TRAF6: variants seen among roughly 807,000 people sequenced by gnomAD.
TRAF6 encodes TNF receptor associated factor 6.
A neutral mutation model predicts 48.4 loss-of-function variants in TRAF6; 10 were observed. The ratio of observed to expected loss-of-function variants is 0.21; its 90% confidence interval spans 0.13 to 0.35. The LOEUF (loss-of-function observed/expected upper bound fraction) is 0.35, where lower values mean the gene tolerates loss of function less well. TRAF6 is among the 10% of genes least tolerant of loss of function. The probability of loss-of-function intolerance (pLI) is 1.00; values close to 1 mark genes in which losing one functional copy is unlikely to be tolerated. For synonymous variants in TRAF6, 186 were observed against 219.6 expected, an observed-to-expected ratio of 0.85 and a Z score of 1.35; for missense variants, 397 against 661.0, an observed-to-expected ratio of 0.60 and a Z score of 4.38.
chr11:36,490,546 C>T lies in TRAF6; in HGVS notation c.861G>A (p.Gly287=). 7 of 1,614,138 alleles carry T rather than the reference C, an allele frequency of 4.3e-6. No homozygotes were observed. Among genetic ancestry groups the T allele is most frequent in the Non-Finnish European group, 5.9e-6 (7 of 1,180,044 alleles). The change falls in exon 7 of 7, where the codon GGG becomes GGA. Residue 287 remains glycine (G), a synonymous_variant. Transcript: ENST00000526995. This position sits in a 1 kb window ranked among gnomAD's most constrained non-coding sequence, Gnocchi z 6.4. ...VHSLSVIPDS[G]YISEVRNFQE... ...GGAAATTCCGGACCTCTGAGATATACCCAGAGTCGGGTATAACGCTCAAAC... is the reference window on the plus strand; with the variant it reads ...GGAAATTCCGGACCTCTGAGATATATCCAGAGTCGGGTATAACGCTCAAAC...
chr11:36,507,203 T>C (rs1238154823), intron 1 of TRAF6, among the ~76,000 whole-genome samples: 1 of 25,568 alleles, frequency 3.9e-5, no homozygotes, highest in African/African-American at 1.5e-4. Flanking sequence ...ATACATGTAT[T>C]ATACATACAT....
Position 36,489,731 on chromosome 11 carries a change from A to G in TRAF6, c.*107T>C. ...GACCTCTCTAACAACACTCACTAGT[A>G]GATATTACATATTTCCCGTGGCTTG... is the stretch of plus-strand genomic sequence containing the variant. On this transcript the variant is annotated 3_prime_UTR_variant, in exon 7 of 7. Transcript: ENST00000526995. The G allele has an allele frequency of 8.6e-7, 1 of 1,169,080 alleles. No individual in the cohort carries two copies. Among genetic ancestry groups the G allele is most frequent in the African/African-American group, 1.5e-5 (1 of 64,924 alleles). The allele number at this position is 1,169,080 out of a possible 1,614,324, so 72.4% of individuals were successfully genotyped here. A position where few individuals can be genotyped will look rare whatever the true frequency, so the allele number is the denominator to read the frequency against.
chr11:36,492,235 A>G (rs1859573522), intron 6 of TRAF6, among the ~76,000 whole-genome samples: 2 of 152,216 alleles, frequency 1.3e-5, no homozygotes, highest in Admixed American at 6.5e-5. Flanking sequence ...AACTAGCACA[A>G]CACAAACTAC....
chr11:36,502,186 T>C (rs2133676170), intron 1 of TRAF6, among the ~76,000 whole-genome samples: 1 of 152,334 alleles, frequency 6.6e-6, no homozygotes, highest in South Asian at 2.1e-4. Context: ...TAAAATTCTA[T>C]AAGGACTTCC....
chr11:36,487,241 C>T lies in TRAF6; in HGVS notation c.*2597G>A, dbSNP rs769729447. 10 of 152,152 alleles carry T rather than the reference C, an allele frequency of 6.6e-5. No homozygotes were observed. Among genetic ancestry groups the T allele is most frequent in the Non-Finnish European group, 1.3e-4 (9 of 68,030 alleles). The allele number at this position is 152,152 out of a possible 1,614,324, so 9.4% of individuals were successfully genotyped here. ...TAACATACAACATAAAGCCCAAAGG[C>T]TTGTATACCCAACTGAGTGAAACTA... On this transcript the variant is annotated 3_prime_UTR_variant, in exon 7 of 7. Transcript: ENST00000526995.
At chr11:36,495,848 C>T (rs773282955) in intron 4 of TRAF6, among the ~76,000 whole-genome samples, 2 of 151,934 alleles carry the variant, frequency 1.3e-5, no homozygotes, top group South Asian at 2.1e-4. Flanking sequence ...GCCGAGATTG[C>T]GCCATTGCAT....
chr11:36,498,087 T>C (rs983471822), intron 3 of TRAF6, among the ~76,000 whole-genome samples: 5 of 152,022 alleles, frequency 3.3e-5, no homozygotes, highest in African/African-American at 4.8e-5. Context: ...GGTTTCACTA[T>C]ATTGGTCAGG....
chr11:36,490,763 C>T lies in TRAF6; in HGVS notation c.757-113G>A. 4.3e-6 allele frequency: 4 copies of T among 928,658 alleles called. No individual in the cohort carries two copies. The highest frequency in any genetic ancestry group is 6.3e-6 in the Non-Finnish European group (4 of 630,066). The allele number at this position is 928,658 out of a possible 1,614,324, so 57.5% of individuals were successfully genotyped here. A position where few individuals can be genotyped will look rare whatever the true frequency, so the allele number is the denominator to read the frequency against. On this transcript the variant is annotated intron_variant, in intron 6 of 6. Coordinates refer to ENST00000526995, the MANE Select transcript of TRAF6 (RefSeq NM_004620.4). This position sits in a 1 kb window ranked among gnomAD's most constrained non-coding sequence, Gnocchi z 6.4. ...AGTAGTCACACCACTTCCCTCAATT[C>T]TCTACAATTTTCCTTTGCCTTCAAC...
intron 1 of TRAF6, 22 bp downstream of exon 1, chr11:36,510,026 G>A (rs1445037767): frequency 1.3e-5 from 2 of 152,414 alleles, no homozygotes; most frequent in African/African-American, 4.8e-5. Flanking sequence ...CCGCCAGGAG[G>A]AGGCGCCTGA....
At chr11:36,498,391 G>C (rs1466470524) in intron 3 of TRAF6, 99 bp downstream of exon 3, 1 of 1,037,264 alleles carries the variant, frequency 9.6e-7, no homozygotes, top group African/African-American at 1.6e-5. Context: ...ATCATCATAT[G>C]CTAGGTACTG....
intron 3 of TRAF6, 30 bp from the exon 4 acceptor site, chr11:36,497,296 T>TA: frequency 1.3e-6 from 2 of 1,594,136 alleles, no homozygotes; most frequent in Non-Finnish European, 1.7e-6. Context: ...GGATTAGCAT[T>TA]AGCCAACTCT....
intron 1 of TRAF6, among the ~76,000 whole-genome samples, chr11:36,507,663 A>G (rs867050696): frequency 3.4e-5 from 1 of 29,416 alleles, no homozygotes; most frequent in South Asian, 1.3e-3. Flanking sequence ...ATACATACAC[A>G]CGCGCGTGTA....
intron 1 of TRAF6, among the ~76,000 whole-genome samples, chr11:36,504,426 A>G (rs1197221088): frequency 6.6e-6 from 1 of 152,210 alleles, no homozygotes; most frequent in African/African-American, 2.4e-5. Context: ...TTGCTCATCC[A>G]TAAGAAGCAA....
intron 1 of TRAF6, among the ~76,000 whole-genome samples, chr11:36,507,632 T>TACACGCGCGTGTATATATGTATACATAC (rs1218178776): frequency 5.5e-4 from 3 of 5,448 alleles, no homozygotes; most frequent in African/African-American, 8.7e-4. Flanking sequence ...TATGTATACA[T>TACACGCGCGTGTATATATGTATACATAC]ACACGCGCGT....
intron 1 of TRAF6, among the ~76,000 whole-genome samples, chr11:36,504,706 A>G (rs763018701): frequency 6.6e-6 from 1 of 152,198 alleles, no homozygotes; most frequent in Admixed American, 6.5e-5. Flanking sequence ...AAAGTTTTCA[A>G]TTTACTTTGT....
intron 1 of TRAF6, among the ~76,000 whole-genome samples, chr11:36,507,858 A>G (rs1334966940): frequency 6.7e-6 from 1 of 148,234 alleles, no homozygotes; most frequent in Non-Finnish European, 1.5e-5. Context: ...ACATATATAT[A>G]CACACACTTT....
intron 1 of TRAF6, 26 bp from the exon 2 acceptor site, chr11:36,501,563 C>G: frequency 6.6e-7 from 1 of 1,514,780 alleles, no homozygotes; most frequent in Non-Finnish European, 8.9e-7. Flanking sequence ...GAAAAAAATG[C>G]CTTTATAAGT....
chr11:36,491,152 A>T (rs1564964950), intron 6 of TRAF6, among the ~76,000 whole-genome samples: 1 of 151,676 alleles, frequency 6.6e-6, no homozygotes, highest in Non-Finnish European at 1.5e-5. Context: ...TATTAATACC[A>T]TTTTTTTTAA....
intron 1 of TRAF6, among the ~76,000 whole-genome samples, chr11:36,502,159 G>A (rs1564968527): frequency 6.6e-6 from 1 of 152,112 alleles, no homozygotes; most frequent in African/African-American, 2.4e-5. Flanking sequence ...TTAGATCTTG[G>A]TTTTTTCTTC....
Sources: gnomAD v4.1 joint callset for allele counts (sites outside exome capture counted in the v4.1 genomes callset) on GRCh38, gnomAD v4.1.1 for gene constraint, Gnocchi (gnomAD v3.1) non-coding constraint, MANE v1.5 for transcripts, NCBI Gene and HGNC (gene_info 2026-07-23, HGNC 2026-07-21) for gene names.